Variants in MRTFB observed in about 807,000 individuals in gnomAD.
The protein encoded by MRTFB is myocardin-related transcription factor B.
Under a neutral mutation model 104.2 loss-of-function variants are expected in MRTFB, and 29 were observed. The observed-to-expected ratio is 0.28, with a 90% confidence interval of 0.21 to 0.38. MRTFB has a LOEUF of 0.38. MRTFB is among the 10% of genes least tolerant of loss of function. The pLI is 1.00. For missense variants in MRTFB, 1,270 were observed against 1,341.6 expected (o/e 0.95, Z 0.83); for synonymous variants, 535 against 519.5 (o/e 1.03, Z -0.41).
At chr16:14,032,913 C>T in the MRTFB span, among the ~76,000 whole-genome samples, 1 of 152,030 alleles carries the variant, frequency 6.6e-6, no homozygotes, top group Non-Finnish European at 1.5e-5. Context: ...CCTTGACCTC[C>T]TGGGCTCAAG....
chr16:14,229,435 A>G (rs1353721374), intron 8 of MRTFB, among the ~76,000 whole-genome samples: 1 of 152,244 alleles, frequency 6.6e-6, no homozygotes, highest in East Asian at 1.9e-4. Flanking sequence ...ACTCTGCTGC[A>G]TCCTAAATTA....
chr16:14,154,531 G>C (rs2038755091), intron 3 of MRTFB, among the ~76,000 whole-genome samples: 1 of 152,226 alleles, frequency 6.6e-6, no homozygotes, highest in African/African-American at 2.4e-5. Flanking sequence ...GGTATATGTG[G>C]TATAATAGTT....
chr16:14,017,150 G>A, the MRTFB span, among the ~76,000 whole-genome samples: 2 of 146,434 alleles, frequency 1.4e-5, no homozygotes, highest in Admixed American at 7.0e-5. Context: ...TCCACCTCCC[G>A]GGTTCACACC....
the MRTFB span, among the ~76,000 whole-genome samples, chr16:13,995,888 A>C: frequency 6.6e-6 from 1 of 152,108 alleles, no homozygotes; most frequent in African/African-American, 2.4e-5. Context: ...AAGGATTACA[A>C]TTCCACATGA....
At chr16:14,127,913 ATATATATATATATATATTTTTTT>A (rs1347330800) in intron 2 of MRTFB, among the ~76,000 whole-genome samples, 93 of 45,530 alleles carry the variant, frequency 2.0e-3, no homozygotes, top group African/African-American at 7.9e-3. Flanking sequence ...ATATATATAT[ATATATATATATATATATTTTTTT>A]TTTTTTTTTT....
At chr16:14,171,156 T>C (rs904076036) in intron 3 of MRTFB, among the ~76,000 whole-genome samples, 2 of 152,258 alleles carry the variant, frequency 1.3e-5, no homozygotes, top group South Asian at 4.1e-4. Context: ...GGAGCTTTTC[T>C]TGCCCCAGCC....
At chr16:14,057,831 CT>C in the MRTFB span, among the ~76,000 whole-genome samples, 342 of 152,302 alleles carry the variant, frequency 2.2e-3, 2 homozygotes, top group Non-Finnish European at 3.5e-3. Flanking sequence ...TTATTCAAAA[CT>C]AAAGAGTCCA....
the MRTFB span, among the ~76,000 whole-genome samples, chr16:14,017,144 C>A: frequency 6.6e-6 from 1 of 150,604 alleles, no homozygotes; most frequent in Non-Finnish European, 1.5e-5. Context: ...ACAAGCTCCA[C>A]CTCCCGGGTT....
At chr16:14,032,642 A>C in the MRTFB span, among the ~76,000 whole-genome samples, 68 of 152,268 alleles carry the variant, frequency 4.5e-4, 1 homozygote, top group East Asian at 3.5e-3. Context: ...GTTGTGGGTA[A>C]CCTGGAGACC....
chr16:14,239,943 A>C (rs990716184), intron 9 of MRTFB, among the ~76,000 whole-genome samples: 2 of 152,214 alleles, frequency 1.3e-5, no homozygotes, highest in Admixed American at 1.3e-4. Context: ...AGCACTTGGT[A>C]GTGTGTTCAC....
intron 3 of MRTFB, among the ~76,000 whole-genome samples, chr16:14,187,702 T>C (rs1277395490): frequency 6.6e-6 from 1 of 152,252 alleles, no homozygotes; most frequent in Non-Finnish European, 1.5e-5. Flanking sequence ...TGGACATTGC[T>C]GTCCTCTGTC....
Position 14,217,304 on chromosome 16 carries a change from T to G in MRTFB, c.514+17T>G. 6.3e-7 allele frequency: 1 copy of G among 1,576,776 alleles called. No homozygotes were observed. The highest frequency in any genetic ancestry group is 8.6e-7 in the Non-Finnish European group (1 of 1,165,476). ...CAATTATAGGCAAGACTCTAAAAATTTACTATTTGGGGTGAGAAAGAGAAA... is the reference window on the plus strand; with the variant it reads ...CAATTATAGGCAAGACTCTAAAAATGTACTATTTGGGGTGAGAAAGAGAAA... On this transcript the variant is annotated intron_variant, in intron 7 of 16. Transcript: ENST00000571589.
chr16:14,233,091 T>C (rs13332429), intron 8 of MRTFB, among the ~76,000 whole-genome samples: 9,065 of 152,240 alleles, frequency 0.06, 892 homozygotes, highest in African/African-American at 0.2. Context: ...AGATTGCTAG[T>C]GAGAATTGAT....
In MRTFB at chr16:14,260,971, A is replaced by T. The variant is rs1263617118; in HGVS notation, c.2827A>T (p.Ser943Cys). The T allele has an allele frequency of 6.2e-7, 1 of 1,614,078 alleles. No homozygotes were observed. Among genetic ancestry groups the T allele is most frequent in the African/African-American group, 1.3e-5 (1 of 74,938 alleles). Residue 943 changes from serine (S) to cysteine (C), a missense_variant, in exon 17 of 17, where the codon AGC (serine) becomes TGC (cysteine). Ser to Cys is a moderately radical substitution (Grantham distance 112). Transcript: ENST00000571589. Reference protein sequence around the residue: ...PISKMRPVTASITTMPVNTVV... With the variant: ...PISKMRPVTACITTMPVNTVV... ...TTCCAAAATGAGACCAGTGACAGCCAGCATCACCACAATGCCAGTGAATAC... is the reference window on the plus strand; with the variant it reads ...TTCCAAAATGAGACCAGTGACAGCCTGCATCACCACAATGCCAGTGAATAC...
chr16:14,076,120 C>T lies in MRTFB; in HGVS notation c.-128-3170C>T, dbSNP rs575683899. Among the ~76,000 whole-genome samples the T allele has an allele frequency of 8.0e-5, 12 of 149,486 alleles. No homozygotes were observed. The South Asian group carries it at 2.3e-3, about 29-fold the overall frequency. ...AATATACATACTATGTGAATATTTT[C>T]CTTGCTTTTTTTTTAAAGTTAATAT... On this transcript the variant is annotated intron_variant, in intron 1 of 16. Coordinates refer to ENST00000571589, the MANE Select transcript of MRTFB (RefSeq NM_001308142.2).
At chr16:14,005,726 G>A in the MRTFB span, among the ~76,000 whole-genome samples, 9 of 152,278 alleles carry the variant, frequency 5.9e-5, no homozygotes, top group Middle Eastern at 3.4e-3. Context: ...TATTGAGTGT[G>A]GGGAACCTGA....
chr16:14,164,360 G>A (rs1005898468), intron 3 of MRTFB, among the ~76,000 whole-genome samples: 2 of 152,062 alleles, frequency 1.3e-5, no homozygotes, highest in Admixed American at 1.3e-4. Flanking sequence ...TTAACATAAT[G>A]ACCTCTAGTT....
At chr16:14,158,379 G>T (rs887916930) in intron 3 of MRTFB, among the ~76,000 whole-genome samples, 2 of 152,280 alleles carry the variant, frequency 1.3e-5, no homozygotes, top group East Asian at 3.9e-4. Context: ...ACTAGGCAAA[G>T]ATATTTTACC....
chr16:14,237,483 C>T (rs889780571), intron 9 of MRTFB, among the ~76,000 whole-genome samples: 2 of 152,190 alleles, frequency 1.3e-5, no homozygotes, highest in Non-Finnish European at 2.9e-5. Context: ...TTTCTGAAAG[C>T]TTAGTTGGAG....
Sources: gnomAD v4.1 joint callset for allele counts (sites outside exome capture counted in the v4.1 genomes callset) on GRCh38, gnomAD v4.1.1 for gene constraint, MANE v1.5 for transcripts, NCBI Gene and HGNC (gene_info 2026-07-23, HGNC 2026-07-21) for gene names.